WDR70: variants seen among roughly 807,000 people sequenced by gnomAD.
The protein encoded by WDR70 is WD repeat-containing protein 70.
Under a neutral mutation model 88.6 loss-of-function variants are expected in WDR70, and 53 were observed. The ratio of observed to expected loss-of-function variants is 0.60; its 90% CI spans 0.48 to 0.75. WDR70 has a LOEUF of 0.75. Ranked by LOEUF, WDR70 falls within the 30% of genes least tolerant of loss-of-function variation. The pLI, the probability that WDR70 is intolerant of heterozygous loss-of-function variation, is 0.00. For synonymous variants in WDR70, 280 were observed against 270.0 expected (o/e 1.04, Z -0.36); for missense variants, 610 against 823.2 (o/e 0.74, Z 3.17).
intron 11 of WDR70, among the ~76,000 whole-genome samples, chr5:37,699,832 C>T (rs1285355572): frequency 4.0e-5 from 6 of 151,792 alleles, no homozygotes; most frequent in African/African-American, 1.5e-4. Context: ...TCTGTAGTCC[C>T]AGCTACTCGG....
At chr5:37,546,738 G>A (rs1298871255) in intron 9 of WDR70, among the ~76,000 whole-genome samples, 1 of 152,060 alleles carries the variant, frequency 6.6e-6, no homozygotes, top group Non-Finnish European at 1.5e-5. Context: ...GGCCAACATA[G>A]TGAAACCCCG....
intron 9 of WDR70, among the ~76,000 whole-genome samples, chr5:37,589,241 T>TAC (rs1335309168): frequency 3.5e-3 from 245 of 70,650 alleles, no homozygotes; most frequent in African/African-American, 0.012. Context: ...CATATATACC[T>TAC]ACACACATAC....
intron 10 of WDR70, among the ~76,000 whole-genome samples, chr5:37,614,156 G>A (rs1561923358): frequency 6.6e-6 from 1 of 152,210 alleles, no homozygotes; most frequent in Non-Finnish European, 1.5e-5. Flanking sequence ...CCTTTCTGGA[G>A]GCTCCAGGGA....
intron 10 of WDR70, among the ~76,000 whole-genome samples, chr5:37,608,541 G>GT (rs1239914285): frequency 6.6e-6 from 1 of 150,724 alleles, no homozygotes; most frequent in African/African-American, 2.4e-5. Flanking sequence ...TGTACTGTAT[G>GT]TTTCACTATT....
chr5:37,676,963 G>A (rs1485127914), intron 10 of WDR70, among the ~76,000 whole-genome samples: 1 of 152,176 alleles, frequency 6.6e-6, no homozygotes, highest in Non-Finnish European at 1.5e-5. Context: ...TTAGTCTTGG[G>A]AGGGTGTATG....
At chr5:37,495,250 A>G (rs895499144) in intron 8 of WDR70, among the ~76,000 whole-genome samples, 1 of 152,162 alleles carries the variant, frequency 6.6e-6, no homozygotes, top group Non-Finnish European at 1.5e-5. Context: ...CTGAGTTCCC[A>G]GTATATTCCC....
At chr5:37,523,092 C>T (rs956162149) in intron 9 of WDR70, among the ~76,000 whole-genome samples, 5 of 152,234 alleles carry the variant, frequency 3.3e-5, no homozygotes, top group Admixed American at 6.5e-5. Flanking sequence ...GAAACCTCTG[C>T]AGGCTTAAAT....
chr5:37,497,343 C>G (rs988792940), intron 8 of WDR70, among the ~76,000 whole-genome samples: 7 of 140,598 alleles, frequency 5.0e-5, no homozygotes, highest in African/African-American at 1.6e-4. Flanking sequence ...TTTCCCTTCC[C>G]TCTTCCCTTC....
intron 9 of WDR70, among the ~76,000 whole-genome samples, chr5:37,561,018 C>T (rs2101786): frequency 0.39 from 59,004 of 151,342 alleles, 13,861 homozygotes; most frequent in Non-Finnish European, 0.52. Flanking sequence ...GCTGAGCCGG[C>T]CATGTGGTAC....
chr5:37,514,187 A>G (rs1740806837), intron 8 of WDR70, among the ~76,000 whole-genome samples: 1 of 150,282 alleles, frequency 6.7e-6, no homozygotes, highest in Non-Finnish European at 1.5e-5. Flanking sequence ...CTAAGTTTTT[A>G]TTTTTAGTTT....
chr5:37,519,575 C>T (rs1490480735), intron 9 of WDR70, among the ~76,000 whole-genome samples: 3 of 135,474 alleles, frequency 2.2e-5, no homozygotes, highest in Non-Finnish European at 3.1e-5. Context: ...AGACGATGGG[C>T]GGCGGGGCAG....
At chr5:37,492,550 G>A (rs1398799008) in intron 8 of WDR70, among the ~76,000 whole-genome samples, 2 of 152,212 alleles carry the variant, frequency 1.3e-5, no homozygotes, top group Non-Finnish European at 2.9e-5. Context: ...GCCTCATCAG[G>A]TGAGCACTTA....
At chr5:37,589,660 A>AGG (rs1561913710) in intron 9 of WDR70, among the ~76,000 whole-genome samples, 8 of 152,038 alleles carry the variant, frequency 5.3e-5, no homozygotes, top group Non-Finnish European at 8.8e-5. Context: ...AGGTCACTGC[A>AGG]GCCTCTGCCT....
At chr5:37,444,341 T>C (rs1236604914) in intron 7 of WDR70, among the ~76,000 whole-genome samples, 1 of 136,892 alleles carries the variant, frequency 7.3e-6, no homozygotes, top group African/African-American at 2.6e-5. Context: ...TTTCTCTTTT[T>C]TTTTTTTTTT....
At chr5:37,525,525 C>T (rs1741238914) in intron 9 of WDR70, among the ~76,000 whole-genome samples, 2 of 152,092 alleles carry the variant, frequency 1.3e-5, no homozygotes, top group African/African-American at 4.8e-5. Context: ...CAAGAGAAAG[C>T]AGGAAATATC....
At chr5:37,505,467 C>T (rs1458256134) in intron 8 of WDR70, among the ~76,000 whole-genome samples, 2 of 151,976 alleles carry the variant, frequency 1.3e-5, no homozygotes, top group African/African-American at 2.4e-5. Context: ...TATCTAGTTT[C>T]CGTATACCTA....
intron 10 of WDR70, among the ~76,000 whole-genome samples, chr5:37,611,491 A>G (rs1444831317): frequency 6.6e-6 from 1 of 152,100 alleles, no homozygotes; most frequent in Non-Finnish European, 1.5e-5. Flanking sequence ...CTATTAGAGC[A>G]ATCTAAACTC....
intron 9 of WDR70, among the ~76,000 whole-genome samples, chr5:37,524,554 T>C (rs1741199804): frequency 6.6e-6 from 1 of 152,154 alleles, no homozygotes; most frequent in African/African-American, 2.4e-5. Flanking sequence ...CCATCGAGGC[T>C]AGGAAGAAAC....
chr5:37,481,795 G>A (rs4463198), intron 8 of WDR70, among the ~76,000 whole-genome samples: 90,312 of 151,964 alleles, frequency 0.59, 28,298 homozygotes, highest in Non-Finnish European at 0.69. Context: ...TCAGGCTACA[G>A]ATTTTCTGAA....
Sources: gnomAD v4.1 joint callset for allele counts (sites outside exome capture counted in the v4.1 genomes callset) on GRCh38, gnomAD v4.1.1 for gene constraint, MANE v1.5 for transcripts, NCBI Gene and HGNC (gene_info 2026-07-23, HGNC 2026-07-21) for gene names.